VAT1: variants seen among roughly 807,000 people sequenced by gnomAD.
VAT1 encodes NADPH-dependent quinone oxidoreductase VAT1.
A neutral mutation model predicts 33.3 loss-of-function variants in VAT1; 24 were observed. That is an observed-to-expected ratio of 0.72 (90% CI 0.52 to 1.01). The LOEUF is 1.01. VAT1 is among the 50% of genes least tolerant of loss of function. The pLI is 0.00. For synonymous variants in VAT1, 212 were observed against 225.0 expected (o/e 0.94, Z 0.52); for missense variants, 436 against 533.7 (o/e 0.82, Z 1.80).
At chr17:43,018,885 T>C (rs2050543291) in intron 1 of VAT1, 86 bp from the exon 2 acceptor site, 1 of 1,313,256 alleles carries the variant, frequency 7.6e-7, no homozygotes, top group African/African-American at 1.5e-5. Context: ...CAAGGCTACC[T>C]TCTTCCAAAT....
intron 1 of VAT1, 116 bp from the exon 2 acceptor site, chr17:43,018,915 C>A: frequency 1.1e-6 from 1 of 913,670 alleles, no homozygotes; most frequent in Non-Finnish European, 1.6e-6. Flanking sequence ...GGAGAAGCAG[C>A]AATAGTCATG....
intron 1 of VAT1, among the ~76,000 whole-genome samples, chr17:43,020,488 A>G (rs543905037): frequency 1.8e-4 from 27 of 152,198 alleles, no homozygotes; most frequent in Non-Finnish European, 3.1e-4. Context: ...CTGTTTGCAT[A>G]CAGGATGAAT....
chr17:43,016,443 C>G lies in VAT1; in HGVS notation c.962G>C (p.Arg321Pro). 6.2e-7 allele frequency: 1 copy of G among 1,614,164 alleles called. No individual in the cohort carries two copies. The highest frequency in any genetic ancestry group is 8.5e-7 in the Non-Finnish European group (1 of 1,180,044). ...GCCCAGGTGGAAGCCACACACAGCC[C>G]GGTTGGCCTGCAGCAGCTGCAGAGC... Reference protein sequence around the residue: ...VTALQLLQANRAVCGFHLGYL... With the variant: ...VTALQLLQANPAVCGFHLGYL... The change falls in exon 5 of 6, where the codon CGG becomes CCG. Residue 321 changes from arginine (R) to proline (P), a missense_variant. Arg to Pro is a moderately radical substitution (Grantham distance 103). This residue lies in a region of VAT1 where 282 missense variants were observed against 405.4 expected (regional missense o/e 0.70). Transcript: ENST00000355653.
rs755168091 is a variant in VAT1, at chr17:43,022,052, C to A, written c.271G>T (p.Ala91Ser). The change falls in exon 1 of 6, where the codon GCA becomes TCA. Residue 91 changes from alanine (A) to serine (S), a missense_variant. Around this residue, in one of 2 missense-constraint regions of VAT1, gnomAD observed 282 missense variants for 405.4 expected, o/e 0.70. Coordinates refer to ENST00000355653, the MANE Select transcript of VAT1 (RefSeq NM_006373.4). ...AGCCCCTGCCTAGCCATGAGGTCTG[C>A]GAAGTTGAGCCCGCAGGCCCGCAGA... Reference protein sequence around the residue: ...LRLRACGLNFADLMARQGLYD... With the variant: ...LRLRACGLNFSDLMARQGLYD... The A allele has an allele frequency of 1.2e-6, 2 of 1,605,996 alleles. No individual in the cohort carries two copies. Among genetic ancestry groups the A allele is most frequent in the Admixed American group, 1.7e-5 (1 of 59,484 alleles).
Position 43,016,490 on chromosome 17 carries a change from C to T in VAT1, c.915G>A (p.Trp305Ter), listed in dbSNP as rs2050521788. ...KRNLMALARTWWNQFSVTALQ... is the reference protein window; with the variant it reads ...KRNLMALART Reference sequence around the variant, plus strand: ...GAGCTGTCACGCTGAACTGATTCCACCATGTCCGGGCCAGGGCCATCAGGT... The same window carrying T: ...GAGCTGTCACGCTGAACTGATTCCATCATGTCCGGGCCAGGGCCATCAGGT... Residue 305 changes from tryptophan to a stop codon, truncating the protein, a stop_gained, in exon 5 of 6, where the codon TGG (tryptophan) becomes TGA (stop). Transcript: ENST00000355653. LOFTEE classifies it high-confidence loss of function. The T allele has an allele frequency of 1.2e-6, 2 of 1,614,028 alleles. No homozygotes were observed. The highest frequency in any genetic ancestry group is 1.7e-6 in the Non-Finnish European group (2 of 1,180,044).
Position 43,015,995 on chromosome 17 carries a change from G to A in VAT1, c.*66C>T. 1 of 1,560,474 alleles carries A rather than the reference G, an allele frequency of 6.4e-7. No individual in the cohort carries two copies. Among genetic ancestry groups the A allele is most frequent in the East Asian group, 2.2e-5 (1 of 44,662 alleles). ...ACAGAGGCTGAAATGCAAGTCTGGT[G>A]GCCAACAGAACGTAGCTTCCCAACT... On this transcript the variant is annotated 3_prime_UTR_variant, in exon 6 of 6. Coordinates refer to ENST00000355653, the MANE Select transcript of VAT1 (RefSeq NM_006373.4).
intron 1 of VAT1, 100 bp downstream of exon 1, chr17:43,021,836 C>T (rs2050571912): frequency 6.6e-7 from 1 of 1,510,094 alleles, no homozygotes. Flanking sequence ...CAGGTCCGCG[C>T]CAGTTTCTCC....
Position 43,022,306 on chromosome 17 carries a change from T to A in VAT1, c.17A>T (p.Glu6Val). 1 of 1,581,802 alleles carries A rather than the reference T, an allele frequency of 6.3e-7. No homozygotes were observed. Among genetic ancestry groups the A allele is most frequent in the Admixed American group, 1.7e-5 (1 of 58,790 alleles). The change falls in exon 1 of 6, where the codon GAG becomes GTG. Residue 6 changes from glutamate to valine, a missense_variant. Glu to Val is a moderately radical substitution (Grantham distance 121). Coordinates refer to ENST00000355653, the MANE Select transcript of VAT1 (RefSeq NM_006373.4). MSDEREVAEAATGEDA... is the reference protein window; with the variant it reads MSDERVVAEAATGEDA... ...TTCCCCGGTCGCTGCCTCGGCTACC[T>A]CTCTCTCGTCGGACATGGCTGGGAC...
Position 43,016,358 on chromosome 17 carries a change from G to A in VAT1, c.1047C>T (p.Tyr349=). 6.2e-7 allele frequency: 1 copy of A among 1,612,040 alleles called. No individual in the cohort carries two copies. Among genetic ancestry groups the A allele is most frequent in the Non-Finnish European group, 8.5e-7 (1 of 1,180,030 alleles). ...TGTGGGGCTTGATGTGGCCCTGGTT[G>A]TACAGAGCCAGGAGGCGGGCCACCA... The part of the protein sequence containing the change: ...SGVVARLLAL[Y]NQGHIKPHID... Residue 349 remains tyrosine, a synonymous_variant, in exon 5 of 6, where the codon TAC becomes TAT. Transcript: ENST00000355653.
In VAT1 at chr17:43,015,771, AAAG is replaced by A. The variant is rs2050515281; in HGVS notation, c.*287_*289del. On this transcript the variant is annotated 3_prime_UTR_variant, in exon 6 of 6. Transcript: ENST00000355653. Reference sequence around the variant, plus strand: ...GGGGGGACTGGCTAACCTTGGCACAAAAGCAGCACAGCAGGCCCGGGGAAAGGG... The same window carrying A: ...GGGGGGACTGGCTAACCTTGGCACAACAGCACAGCAGGCCCGGGGAAAGGG... 2.0e-6 allele frequency: 1 copy of A among 491,768 alleles called. No homozygotes were observed. The highest frequency in any genetic ancestry group is 3.7e-6 in the Non-Finnish European group (1 of 272,284). The allele number at this position is 491,768 out of a possible 1,614,324, so 30.5% of individuals were successfully genotyped here. A position where few individuals can be genotyped will look rare whatever the true frequency, so the allele number is the denominator to read the frequency against.
Position 43,016,282 on chromosome 17 carries a change from C to G in VAT1, c.1098+25G>C, listed in dbSNP as rs776530479. 11 of 1,606,852 alleles carry G rather than the reference C, an allele frequency of 6.8e-6. No individual in the cohort carries two copies. In the Admixed American group the frequency reaches 1.8e-4, roughly 27 times the overall value. On this transcript the variant is annotated intron_variant, in intron 5 of 5. Coordinates refer to ENST00000355653, the MANE Select transcript of VAT1 (RefSeq NM_006373.4). Reference sequence around the variant, plus strand: ...AGCCTTCATGAGTCCTACCCAAGCCCTCCCTGCAAAGTCCTCACATTCACC... The same window carrying G: ...AGCCTTCATGAGTCCTACCCAAGCCGTCCCTGCAAAGTCCTCACATTCACC...
chr17:43,017,714 T>C (rs1376833538), intron 4 of VAT1, 127 bp downstream of exon 4: 28 of 767,188 alleles, frequency 3.6e-5, no homozygotes, highest in Non-Finnish European at 5.4e-5. Context: ...TTCCTAACCC[T>C]GATCGTCTAC....
chr17:43,015,827 C>G lies in VAT1; in HGVS notation c.*234G>C. The G allele has an allele frequency of 1.7e-6, 1 of 596,182 alleles. No homozygotes were observed. The highest frequency in any genetic ancestry group is 3.0e-6 in the Non-Finnish European group (1 of 335,726). 36.9% of individuals were successfully genotyped at this position (596,182 alleles called of 1,614,324 possible). A position where few individuals can be genotyped will look rare whatever the true frequency, so the allele number is the denominator to read the frequency against. ...GGGGCAGGAAGCAGCCGGCCTCCCT[C>G]TGACCCTCCCTGTCGCCTTGGCAGG... On this transcript the variant is annotated 3_prime_UTR_variant, in exon 6 of 6. Coordinates refer to ENST00000355653, the MANE Select transcript of VAT1 (RefSeq NM_006373.4).
At position 43,016,029 on chromosome 17, in the gene VAT1, C is replaced by T. The variant is rs375629477; in HGVS notation, c.*32G>A. ...AACGTAGCTTCCCAACTTCTCCCTT[C>T]GCTGGTCTCTAGGGTCTCACAGCCA... is the stretch of plus-strand genomic sequence containing the variant. On this transcript the variant is annotated 3_prime_UTR_variant, in exon 6 of 6. Transcript: ENST00000355653. 6.2e-6 allele frequency: 10 copies of T among 1,610,784 alleles called. No homozygotes were observed. The highest frequency in any genetic ancestry group is 2.7e-5 in the African/African-American group (2 of 74,834).
In VAT1 at chr17:43,018,212, G is replaced by A. The variant is rs200603361; in HGVS notation, c.596-6C>T. On this transcript the variant is annotated splice_region_variant and splice_polypyrimidine_tract_variant and intron_variant, in intron 2 of 5. Coordinates refer to ENST00000355653, the MANE Select transcript of VAT1 (RefSeq NM_006373.4). ...GGCAGCCATACCCACACCCCCTGCAGCAAGACACCCATAAGCAGGGGATAT... is the reference window on the plus strand; with the variant it reads ...GGCAGCCATACCCACACCCCCTGCAACAAGACACCCATAAGCAGGGGATAT... The A allele has an allele frequency of 1.9e-6, 3 of 1,603,318 alleles. No individual in the cohort carries two copies. The highest frequency in any genetic ancestry group is 2.7e-5 in the African/African-American group (2 of 74,846).
chr17:43,020,667 C>T (rs1435490688), intron 1 of VAT1, among the ~76,000 whole-genome samples: 3 of 151,970 alleles, frequency 2.0e-5, no homozygotes, highest in Non-Finnish European at 4.4e-5. Flanking sequence ...CACCTGAGGT[C>T]GGGAGTTCGA....
intron 1 of VAT1, 140 bp downstream of exon 1, chr17:43,021,796 C>T (rs1050893432): frequency 7.8e-5 from 113 of 1,446,742 alleles, no homozygotes; most frequent in Non-Finnish European, 1.0e-4. Flanking sequence ...AACACAAGTT[C>T]CTTGGCTACG....
intron 1 of VAT1, among the ~76,000 whole-genome samples, chr17:43,020,615 T>C (rs1442921714): frequency 6.6e-6 from 1 of 152,112 alleles, no homozygotes; most frequent in Non-Finnish European, 1.5e-5. Flanking sequence ...CAGTGGCTTA[T>C]GTCTGTAACC....
rs2050510320 is a variant in VAT1 at position 43,015,147 on chromosome 17, A to G, written c.*914T>C. The G allele has an allele frequency of 6.6e-6, 1 of 152,616 alleles. No individual in the cohort carries two copies. The highest frequency in any genetic ancestry group is 2.1e-4 in the South Asian group (1 of 4,828). 9.5% of individuals were successfully genotyped at this position (152,616 alleles called of 1,614,324 possible). A position where few individuals can be genotyped will look rare whatever the true frequency, so the allele number is the denominator to read the frequency against. On this transcript the variant is annotated 3_prime_UTR_variant, in exon 6 of 6. Coordinates refer to ENST00000355653, the MANE Select transcript of VAT1 (RefSeq NM_006373.4). ...ACATGGCACAGACCACGATGAGGGC[A>G]CCTGTTTTTGCCCTGCCTCCCCAGG...
Sources: gnomAD v4.1 joint callset for allele counts (sites outside exome capture counted in the v4.1 genomes callset) on GRCh38, gnomAD v4.1.1 for gene constraint, gnomAD v4.1.1 regional missense constraint, MANE v1.5 for transcripts, NCBI Gene and HGNC (gene_info 2026-07-23, HGNC 2026-07-21) for gene names.